The following PLCB1 variants were observed in gnomAD, a reference collection of about 807,000 sequenced individuals.
PLCB1 encodes the protein 1-phosphatidylinositol 4,5-bisphosphate phosphodiesterase beta-1.
In PLCB1, 46 loss-of-function variants were observed where a neutral mutation model predicts 161.8. That is an observed-to-expected ratio of 0.28 (90% CI 0.22 to 0.36). PLCB1 has a LOEUF of 0.36. Among genes scored for constraint, PLCB1 ranks in the 10% least tolerant of loss-of-function variants. The probability of loss-of-function intolerance (pLI) is 1.00; values close to 1 mark genes in which losing one functional copy is unlikely to be tolerated. For synonymous variants in PLCB1, 517 were observed against 503.7 expected (o/e 1.03, Z -0.35); for missense variants, 1,016 against 1,472.5 (o/e 0.69, Z 5.07).
In PLCB1 at chr20:8,617,062, T is replaced by C. The variant is rs74476616; in HGVS notation, c.247-11232T>C. Reference sequence around the variant, plus strand: ...AAGCCAGATGGGAGCTAAAAATTGATGCCAATAAGAGATTTGGAGCAATGC... The same window carrying C: ...AAGCCAGATGGGAGCTAAAAATTGACGCCAATAAGAGATTTGGAGCAATGC... On this transcript the variant is annotated intron_variant, in intron 3 of 31. Transcript: ENST00000338037. 8.2e-3 allele frequency among the ~76,000 whole-genome samples: 1,254 copies of C among 152,250 alleles called. 19 individuals carry two copies. The highest frequency in any genetic ancestry group is 0.028 in the African/African-American group (1,171 of 41,558).
intron 3 of PLCB1, among the ~76,000 whole-genome samples, chr20:8,455,432 CTTTTTTTTTT>C (rs1175763739): frequency 2.4e-4 from 18 of 74,166 alleles, no homozygotes; most frequent in African/African-American, 1.0e-3. Context: ...TATTCTTCCT[CTTTTTTTTTT>C]TTTTTTTTTT....
At chr20:8,154,309 G>A (rs188137291) in intron 2 of PLCB1, among the ~76,000 whole-genome samples, 4 of 152,088 alleles carry the variant, frequency 2.6e-5, no homozygotes, top group East Asian at 1.9e-4. Flanking sequence ...TTGCTCTATC[G>A]TATGTTAAAC....
chr20:8,884,495 CA>C lies in PLCB1; in HGVS notation c.*2647del, dbSNP rs1161260715. On this transcript the variant is annotated 3_prime_UTR_variant, in exon 32 of 32. Coordinates refer to ENST00000338037, the MANE Select transcript of PLCB1 (RefSeq NM_015192.4). ...ATTTTCAAAGTTCTAATGACATAGCCATGTGTTTTTGGTTTTTTATATTTCA... is the reference window on the plus strand; with the variant it reads ...ATTTTCAAAGTTCTAATGACATAGCCTGTGTTTTTGGTTTTTTATATTTCA... The C allele has an allele frequency of 6.6e-6, 1 of 152,476 alleles. No individual in the cohort carries two copies. The highest frequency in any genetic ancestry group is 6.6e-5 in the Admixed American group (1 of 15,254). The allele number at this position is 152,476 out of a possible 1,614,324, so 9.4% of individuals were successfully genotyped here.
At chr20:8,653,922 C>G (rs1443947007) in intron 7 of PLCB1, among the ~76,000 whole-genome samples, 1 of 151,952 alleles carries the variant, frequency 6.6e-6, no homozygotes, top group Non-Finnish European at 1.5e-5. Context: ...AAAAGTAGTA[C>G]AGTAATAATG....
At chr20:8,557,259 A>G (rs1985996053) in intron 3 of PLCB1, among the ~76,000 whole-genome samples, 1 of 152,010 alleles carries the variant, frequency 6.6e-6, no homozygotes, top group Admixed American at 6.6e-5. Flanking sequence ...TATTCATAGC[A>G]GCATTATTCA....
intron 3 of PLCB1, among the ~76,000 whole-genome samples, chr20:8,564,885 GGT>G (rs1986270272): frequency 6.6e-6 from 1 of 152,328 alleles, no homozygotes; most frequent in South Asian, 2.1e-4. Flanking sequence ...TTACACTGTT[GGT>G]GGGAGTGTAA....
intron 31 of PLCB1, among the ~76,000 whole-genome samples, chr20:8,817,344 G>C (rs1230149131): frequency 1.3e-5 from 2 of 152,102 alleles, no homozygotes; most frequent in Non-Finnish European, 2.9e-5. Flanking sequence ...TGTCAGCTTG[G>C]TAGAACTTGG....
chr20:8,398,737 T>C (rs1600374093), intron 3 of PLCB1, among the ~76,000 whole-genome samples: 1 of 152,098 alleles, frequency 6.6e-6, no homozygotes, highest in East Asian at 1.9e-4. Context: ...ATTCACTTAA[T>C]AGCACAATGC....
intron 3 of PLCB1, among the ~76,000 whole-genome samples, chr20:8,580,154 C>G (rs1306031901): frequency 6.6e-6 from 1 of 152,140 alleles, no homozygotes; most frequent in Non-Finnish European, 1.5e-5. Flanking sequence ...ATTAGCTAGC[C>G]CTCAGTGGGG....
chr20:8,188,366 G>A (rs1034558708), intron 2 of PLCB1, among the ~76,000 whole-genome samples: 1 of 152,126 alleles, frequency 6.6e-6, no homozygotes, highest in Admixed American at 6.6e-5. Context: ...AGGGAAGGAT[G>A]AAGTACTGGG....
chr20:8,198,953 C>CAG (rs1262677393), intron 2 of PLCB1, among the ~76,000 whole-genome samples: 1 of 150,064 alleles, frequency 6.7e-6, no homozygotes, highest in African/African-American at 2.4e-5. Context: ...GACAGACAGA[C>CAG]ACACACACAC....
chr20:8,735,543 T>C (rs1362915888), intron 19 of PLCB1, among the ~76,000 whole-genome samples: 3 of 152,238 alleles, frequency 2.0e-5, no homozygotes, highest in Non-Finnish European at 4.4e-5. Context: ...GATTTTATAA[T>C]GCCAGAATGG....
chr20:8,516,272 C>T (rs1480961304), intron 3 of PLCB1, among the ~76,000 whole-genome samples: 1 of 152,190 alleles, frequency 6.6e-6, no homozygotes, highest in African/African-American at 2.4e-5. Flanking sequence ...CACATGAGAA[C>T]ACATTCAACC....
intron 3 of PLCB1, among the ~76,000 whole-genome samples, chr20:8,486,152 C>T (rs1296094469): frequency 6.6e-6 from 1 of 152,176 alleles, no homozygotes; most frequent in East Asian, 1.9e-4. Flanking sequence ...CCAATTACCT[C>T]CACGGGGTCC....
chr20:8,879,595 C>CAGAAAA (rs537442614), intron 31 of PLCB1, among the ~76,000 whole-genome samples: 3 of 148,274 alleles, frequency 2.0e-5, no homozygotes, highest in Non-Finnish European at 3.0e-5. Flanking sequence ...ACAAATTTGC[C>CAGAAAA]AGAAAAAGAA....
chr20:8,789,833 G>T (rs775162917), intron 30 of PLCB1, among the ~76,000 whole-genome samples: 1 of 152,188 alleles, frequency 6.6e-6, no homozygotes, highest in African/African-American at 2.4e-5. Flanking sequence ...TATTGTAAAT[G>T]ATAGTGTTCC....
At position 8,589,699 on chromosome 20, in the gene PLCB1, T is replaced by G. The variant is rs373900694; in HGVS notation, c.247-38595T>G. Among the ~76,000 whole-genome samples the G allele has an allele frequency of 9.0e-4, 125 of 139,446 alleles. 1 individual carries two copies. The South Asian group carries it at 0.011, about 12-fold the overall frequency. The allele number at this position is 139,446 out of a possible 152,430, so 91.5% of individuals were successfully genotyped here. A position where few individuals can be genotyped will look rare whatever the true frequency, so the allele number is the denominator to read the frequency against. On this transcript the variant is annotated intron_variant, in intron 3 of 31. Coordinates refer to ENST00000338037, the MANE Select transcript of PLCB1 (RefSeq NM_015192.4). ...TGATGCAATCACAGCTCATGCAGCC[T>G]CAACCTTCTGGGCTCAAGCAATCCT...
At chr20:8,671,893 T>C (rs1568554817) in intron 9 of PLCB1, among the ~76,000 whole-genome samples, 1 of 152,214 alleles carries the variant, frequency 6.6e-6, no homozygotes, top group Non-Finnish European at 1.5e-5. Context: ...GACAAGTTGC[T>C]AACATCTCTA....
intron 3 of PLCB1, among the ~76,000 whole-genome samples, chr20:8,396,930 T>G (rs539601442): frequency 6.6e-6 from 1 of 152,224 alleles, no homozygotes; most frequent in East Asian, 1.9e-4. Context: ...AGACAATTTC[T>G]GTTTTATTTT....
Sources: allele counts gnomAD v4.1 joint callset (sites outside exome capture counted in the v4.1 genomes callset), GRCh38; gene constraint gnomAD v4.1.1; transcripts MANE v1.5; gene names NCBI Gene and HGNC (gene_info 2026-07-23, HGNC 2026-07-21).